Variants in NALF1 observed in about 807,000 individuals in gnomAD.
NALF1 encodes family with sequence similarity 155 member A.
A neutral mutation model predicts 48.4 loss-of-function variants in NALF1; 3 were observed. The observed-to-expected ratio is 0.06, with a 90% CI of 0.03 to 0.16. The LOEUF is 0.16. Among genes scored for constraint, NALF1 ranks in the 10% least tolerant of loss-of-function variants. The pLI, the probability that NALF1 is intolerant of heterozygous loss-of-function variation, is 1.00. For synonymous variants in NALF1, 262 were observed against 245.7 expected (o/e 1.07, Z -0.62); for missense variants, 526 against 571.5 (o/e 0.92, Z 0.81).
chr13:107,475,970 C>T (rs1164045186), intron 1 of NALF1, among the ~76,000 whole-genome samples: 1 of 152,068 alleles, frequency 6.6e-6, no homozygotes, highest in Non-Finnish European at 1.5e-5. Flanking sequence ...AATCCCAAAA[C>T]CTATAAATCA....
intron 1 of NALF1, among the ~76,000 whole-genome samples, chr13:107,386,710 C>T (rs1418842142): frequency 1.3e-5 from 2 of 152,124 alleles, no homozygotes; most frequent in Non-Finnish European, 2.9e-5. Flanking sequence ...ACAAATATGG[C>T]CACAAATCTT....
At chr13:107,333,707 T>C (rs1882508846) in intron 1 of NALF1, among the ~76,000 whole-genome samples, 1 of 152,216 alleles carries the variant, frequency 6.6e-6, no homozygotes, top group Admixed American at 6.5e-5. Flanking sequence ...GGTTGATCCA[T>C]AAAATGCATT....
intron 1 of NALF1, among the ~76,000 whole-genome samples, chr13:107,339,432 C>T (rs1180468957): frequency 1.3e-5 from 2 of 152,006 alleles, no homozygotes; most frequent in Non-Finnish European, 2.9e-5. Context: ...TATAGCTCCT[C>T]CCACCTTCCA....
intron 1 of NALF1, among the ~76,000 whole-genome samples, chr13:107,757,776 A>G (rs1877153337): frequency 6.6e-6 from 1 of 152,186 alleles, no homozygotes; most frequent in Admixed American, 6.5e-5. Flanking sequence ...AAAATAAAGC[A>G]TCTATCAAAT....
At chr13:107,367,734 C>T (rs112042827) in intron 1 of NALF1, among the ~76,000 whole-genome samples, 37,424 of 152,050 alleles carry the variant, frequency 0.25, 5,435 homozygotes, top group Admixed American at 0.36. Context: ...ATCATGGCTA[C>T]CTTGAGAGGC....
At chr13:107,272,000 C>T (rs184453778) in intron 1 of NALF1, among the ~76,000 whole-genome samples, 3 of 151,360 alleles carry the variant, frequency 2.0e-5, no homozygotes, top group Admixed American at 2.0e-4. Context: ...CTCCAACTTC[C>T]TAAGCCAGTG....
chr13:107,399,985 CA>C (rs1189331773), intron 1 of NALF1, among the ~76,000 whole-genome samples: 10 of 152,036 alleles, frequency 6.6e-5, no homozygotes, highest in African/African-American at 2.2e-4. Context: ...TACAAACAAT[CA>C]GACAAGACTA....
Position 107,650,394 on chromosome 13 carries a change from T to TA in NALF1, c.915+215287dup, listed in dbSNP as rs11330259. ...TTTGAACGGTAATCTCTGCAACCAT[T>TA]AAAAAAAAAAAAAAGGAACAAATTA... On this transcript the variant is annotated intron_variant, in intron 1 of 2. Transcript: ENST00000375915. Among the ~76,000 whole-genome samples the TA allele has an allele frequency of 1.8e-3, 195 of 107,646 alleles. 6 individuals carry two copies. In the South Asian group the frequency reaches 0.046, roughly 25 times the overall value. 70.6% of individuals were successfully genotyped at this position (107,646 alleles called of 152,430 possible).
intron 1 of NALF1, among the ~76,000 whole-genome samples, chr13:107,765,755 G>C (rs112273995): frequency 4.7e-4 from 71 of 152,146 alleles, no homozygotes; most frequent in African/African-American, 1.6e-3. Context: ...CTGAAATACT[G>C]CCTTAGTTTA....
At chr13:107,652,440 T>C (rs1023685980) in intron 1 of NALF1, among the ~76,000 whole-genome samples, 1 of 152,184 alleles carries the variant, frequency 6.6e-6, no homozygotes, top group Non-Finnish European at 1.5e-5. Context: ...CTTTAACATA[T>C]ACACAATACA....
At chr13:107,697,856 A>C (rs146430408) in intron 1 of NALF1, among the ~76,000 whole-genome samples, 1 of 152,296 alleles carries the variant, frequency 6.6e-6, no homozygotes, top group African/African-American at 2.4e-5. Flanking sequence ...ACTTCTTTCT[A>C]AACTATCTTT....
intron 2 of NALF1, among the ~76,000 whole-genome samples, chr13:107,181,243 C>G (rs1298295566): frequency 6.6e-6 from 1 of 151,302 alleles, no homozygotes; most frequent in African/African-American, 2.4e-5. Flanking sequence ...GTTTAATTTT[C>G]TTTTACTATT....
At position 107,818,871 on chromosome 13, in the gene NALF1, C is replaced by CAAAAAAAAAAAAA. The variant is rs774372636; in HGVS notation, c.915+46798_915+46810dup. Among the ~76,000 whole-genome samples the CAAAAAAAAAAAAA allele has an allele frequency of 2.7e-4, 20 of 73,816 alleles. No individual in the cohort carries two copies. The East Asian group carries it at 2.8e-3, about 10-fold the overall frequency. The allele number at this position is 73,816 out of a possible 152,430, so 48.4% of individuals were successfully genotyped here. Reference sequence around the variant, plus strand: ...TGGGCGACAGAGCGAGACTCCGTCTCAAAAAAAAAAAAAAAAAAAAAAAAA... The same window carrying CAAAAAAAAAAAAA: ...TGGGCGACAGAGCGAGACTCCGTCTCAAAAAAAAAAAAAAAAAAAAAAAAAAAAAAAAAAAAAA... On this transcript the variant is annotated intron_variant, in intron 1 of 2. Coordinates refer to ENST00000375915, the MANE Select transcript of NALF1 (RefSeq NM_001080396.3).
At chr13:107,449,898 C>T (rs1884711927) in intron 1 of NALF1, among the ~76,000 whole-genome samples, 1 of 152,106 alleles carries the variant, frequency 6.6e-6, no homozygotes, top group Non-Finnish European at 1.5e-5. Flanking sequence ...TAGAATTCCA[C>T]AGCTAGTAAG....
At chr13:107,853,061 ATAAAT>A (rs1222847538) in intron 1 of NALF1, among the ~76,000 whole-genome samples, 3 of 152,232 alleles carry the variant, frequency 2.0e-5, no homozygotes, top group African/African-American at 7.2e-5. Context: ...CAGCTCTATC[ATAAAT>A]TAATTTTTCT....
intron 1 of NALF1, among the ~76,000 whole-genome samples, chr13:107,848,408 T>C (rs1200207079): frequency 1.3e-5 from 2 of 152,204 alleles, no homozygotes; most frequent in African/African-American, 2.4e-5. Flanking sequence ...TCAAGAGGAA[T>C]AGTTTACTAT....
In NALF1 at chr13:107,473,248, G is replaced by GA. The variant is rs146736288; in HGVS notation, c.916-262494_916-262493insT. On this transcript the variant is annotated intron_variant, in intron 1 of 2. Coordinates refer to ENST00000375915, the MANE Select transcript of NALF1 (RefSeq NM_001080396.3). ...CTAGATTCTTCAGCGCCAGGGTCCT[G>GA]GAAAGTAACAACCATTTTACTCATC... 6.2e-3 allele frequency among the ~76,000 whole-genome samples: 946 copies of GA among 151,750 alleles called. 10 individuals are homozygous for GA. Among genetic ancestry groups the GA allele is most frequent in the African/African-American group, 0.021 (881 of 41,324 alleles).
intron 1 of NALF1, among the ~76,000 whole-genome samples, chr13:107,689,577 A>G (rs1489261437): frequency 6.6e-6 from 1 of 152,220 alleles, no homozygotes; most frequent in Non-Finnish European, 1.5e-5. Flanking sequence ...TCTAAAAATA[A>G]TAATATTGAA....
At chr13:107,262,769 G>GCGCGCGCTCTCTCTCTCTCTCT (rs36027059) in intron 1 of NALF1, among the ~76,000 whole-genome samples, 41 of 144,116 alleles carry the variant, frequency 2.8e-4, no homozygotes, top group African/African-American at 5.8e-4. Flanking sequence ...ACCCACAGGC[G>GCGCGCGCTCTCTCTCTCTCTCT]CTCTCTCTCT....
Sources: gnomAD v4.1 joint callset for allele counts (sites outside exome capture counted in the v4.1 genomes callset) on GRCh38, gnomAD v4.1.1 for gene constraint, MANE v1.5 for transcripts, NCBI Gene and HGNC (gene_info 2026-07-23, HGNC 2026-07-21) for gene names.